Variants in PTPRD observed in about 807,000 individuals in gnomAD.
The protein encoded by PTPRD is protein tyrosine phosphatase receptor type D, also known as receptor-type tyrosine-protein phosphatase delta.
Under a neutral mutation model 214.5 loss-of-function variants are expected in PTPRD, and 34 were observed. The observed-to-expected ratio is 0.16, with a 90% CI of 0.12 to 0.21. PTPRD has a LOEUF of 0.21. Ranked by LOEUF, PTPRD falls within the 10% of genes least tolerant of loss-of-function variation. The pLI is 1.00. For missense variants in PTPRD, 2,545 were observed against 2,398.7 expected (o/e 1.06, Z -1.27); for synonymous variants, 1,128 against 845.7 (o/e 1.33, Z -5.79).
At chr9:9,009,029 A>G (rs1054818714) in intron 11 of PTPRD, among the ~76,000 whole-genome samples, 1 of 152,196 alleles carries the variant, frequency 6.6e-6, no homozygotes, top group Non-Finnish European at 1.5e-5. Flanking sequence ...ATCTATTTGA[A>G]AGACAAAACA....
intron 3 of PTPRD, among the ~76,000 whole-genome samples, chr9:10,286,170 G>A (rs1376253708): frequency 6.6e-6 from 1 of 152,042 alleles, no homozygotes; most frequent in Non-Finnish European, 1.5e-5. Context: ...ACCAAATAAG[G>A]AAATCAGTAA....
intron 11 of PTPRD, among the ~76,000 whole-genome samples, chr9:8,842,835 C>T (rs1456687926): frequency 2.0e-5 from 3 of 152,164 alleles, no homozygotes; most frequent in Non-Finnish European, 4.4e-5. Flanking sequence ...GAGACTTTGA[C>T]GGTGTTTCAC....
At chr9:8,543,951 C>T (rs1012572875) in intron 14 of PTPRD, among the ~76,000 whole-genome samples, 7 of 152,072 alleles carry the variant, frequency 4.6e-5, no homozygotes, top group African/African-American at 1.7e-4. Context: ...ACTTCATGAC[C>T]TGCCCACCTC....
chr9:10,029,841 G>C (rs780723119), intron 4 of PTPRD, among the ~76,000 whole-genome samples: 8 of 152,124 alleles, frequency 5.3e-5, no homozygotes, highest in Non-Finnish European at 4.4e-5. Flanking sequence ...CATAAGATTT[G>C]GGAGGGGCCA....
intron 2 of PTPRD, among the ~76,000 whole-genome samples, chr9:10,469,737 A>G (rs1263523430): frequency 1.3e-5 from 2 of 152,160 alleles, no homozygotes; most frequent in East Asian, 1.9e-4. Context: ...TATTCACAGT[A>G]GCCAATATAT....
intron 3 of PTPRD, among the ~76,000 whole-genome samples, chr9:10,163,106 A>G (rs1401136258): frequency 6.7e-6 from 1 of 150,256 alleles, no homozygotes; most frequent in Non-Finnish European, 1.5e-5. Flanking sequence ...AAATGTGATT[A>G]TTTTTTATTT....
intron 11 of PTPRD, among the ~76,000 whole-genome samples, chr9:8,994,687 T>A (rs149852248): frequency 3.3e-5 from 5 of 151,946 alleles, no homozygotes; most frequent in Admixed American, 2.0e-4. Context: ...GTTTTTGTAA[T>A]GAGTGACACA....
intron 9 of PTPRD, among the ~76,000 whole-genome samples, chr9:9,303,326 A>C (rs141114317): frequency 1.3e-5 from 2 of 152,164 alleles, no homozygotes; most frequent in East Asian, 3.9e-4. Flanking sequence ...AAGACATGAA[A>C]TTTTAAAAAT....
At chr9:8,952,567 C>A (rs1342539298) in intron 11 of PTPRD, among the ~76,000 whole-genome samples, 1 of 151,910 alleles carries the variant, frequency 6.6e-6, no homozygotes. Context: ...ATCCCAGTGG[C>A]TTCCGAATAA....
rs1404042689 is a variant in PTPRD, at chr9:8,981,547, T to C, written c.-104+37150A>G. 2.0e-5 allele frequency among the ~76,000 whole-genome samples: 3 copies of C among 152,044 alleles called. No homozygotes were observed. In the East Asian group the frequency reaches 5.8e-4, roughly 29 times the overall value. On this transcript the variant is annotated intron_variant, in intron 11 of 45. Transcript: ENST00000381196. Reference sequence around the variant, plus strand: ...TCATCTACTTGGCTAGGAATCTTTGTGGAGTGAAAGTGGTGCAACTGTATG... The same window carrying C: ...TCATCTACTTGGCTAGGAATCTTTGCGGAGTGAAAGTGGTGCAACTGTATG...
rs906151570 is a variant in PTPRD at position 10,438,596 on chromosome 9, T to C, written c.-599-97579A>G. Among the ~76,000 whole-genome samples the C allele has an allele frequency of 4.0e-5, 6 of 151,842 alleles. No individual in the cohort carries two copies. In the South Asian group the frequency reaches 1.2e-3, roughly 31 times the overall value. On this transcript the variant is annotated intron_variant, in intron 2 of 45. Coordinates refer to ENST00000381196, the MANE Select transcript of PTPRD (RefSeq NM_002839.4). Reference sequence around the variant, plus strand: ...TCACATTCCATTATTATAATAATTATTGTTTTTGTTTTTTAATGAGTTATT... The same window carrying C: ...TCACATTCCATTATTATAATAATTACTGTTTTTGTTTTTTAATGAGTTATT...
In PTPRD at chr9:9,850,195, C is replaced by T. The variant is rs376635999; in HGVS notation, c.-367-83344G>A. On this transcript the variant is annotated intron_variant, in intron 5 of 45. Transcript: ENST00000381196. ...AGGATGTAAAAAGCTGAATTTTAGC[C>T]TTTCTTTTTGAATACTGAAACGCTA... Among the ~76,000 whole-genome samples, 14 of 152,210 alleles carry T rather than the reference C, an allele frequency of 9.2e-5. No homozygotes were observed. The South Asian group carries it at 2.1e-3, about 23-fold the overall frequency.
intron 10 of PTPRD, among the ~76,000 whole-genome samples, chr9:9,067,544 A>T (rs1590947006): frequency 6.6e-6 from 1 of 152,228 alleles, no homozygotes; most frequent in African/African-American, 2.4e-5. Context: ...GCAGGTACTT[A>T]TCTTCTATAT....
At chr9:10,289,315 T>C (rs978009180) in intron 3 of PTPRD, among the ~76,000 whole-genome samples, 1 of 152,176 alleles carries the variant, frequency 6.6e-6, no homozygotes, top group Non-Finnish European at 1.5e-5. Flanking sequence ...TTTTACACTT[T>C]TGTTTCTTAT....
chr9:10,271,395 T>G (rs2094410735), intron 3 of PTPRD, among the ~76,000 whole-genome samples: 1 of 152,046 alleles, frequency 6.6e-6, no homozygotes, highest in African/African-American at 2.4e-5. Context: ...AGAGTCTCTT[T>G]ATGACTTCTA....
At chr9:9,065,011 C>T (rs543782234) in intron 10 of PTPRD, among the ~76,000 whole-genome samples, 1 of 152,288 alleles carries the variant, frequency 6.6e-6, no homozygotes, top group Admixed American at 6.5e-5. Context: ...TATGCCTGAA[C>T]TTTTGGCTGA....
chr9:9,457,817 C>T (rs2093222222), intron 8 of PTPRD, among the ~76,000 whole-genome samples: 1 of 151,584 alleles, frequency 6.6e-6, no homozygotes, highest in Non-Finnish European at 1.5e-5. Flanking sequence ...GTATGTTCCC[C>T]TCTCATAACT....
At chr9:8,959,899 T>G (rs2099150113) in intron 11 of PTPRD, among the ~76,000 whole-genome samples, 2 of 152,190 alleles carry the variant, frequency 1.3e-5, no homozygotes, top group African/African-American at 4.8e-5. Flanking sequence ...CATGAAAATG[T>G]TATTCCAACA....
chr9:9,165,626 C>G (rs1016875502), intron 10 of PTPRD, among the ~76,000 whole-genome samples: 4 of 151,904 alleles, frequency 2.6e-5, no homozygotes, highest in African/African-American at 7.3e-5. Flanking sequence ...AATGTGAGAC[C>G]ACTAATAATT....
Sources: gnomAD v4.1 joint callset for allele counts (sites outside exome capture counted in the v4.1 genomes callset) on GRCh38, gnomAD v4.1.1 for gene constraint, MANE v1.5 for transcripts, NCBI Gene and HGNC (gene_info 2026-07-23, HGNC 2026-07-21) for gene names.